The following SHISA6 variants were observed in gnomAD, a reference collection of about 807,000 sequenced individuals.
SHISA6 encodes the protein protein shisa-6.
SHISA6 carries 22 observed loss-of-function variants against 47.9 expected under a neutral mutation model. That is an observed-to-expected ratio of 0.46 (90% CI 0.33 to 0.66). The LOEUF (loss-of-function observed/expected upper bound fraction) is 0.66. Ranked by LOEUF, SHISA6 falls within the 30% of genes least tolerant of loss-of-function variation. SHISA6 has a pLI of 0.02. For synonymous variants in SHISA6, 388 were observed against 337.8 expected (o/e 1.15, Z -1.63); for missense variants, 680 against 764.6 (o/e 0.89, Z 1.30).
At chr17:11,521,431 GC>G (rs148174750) in intron 3 of SHISA6, among the ~76,000 whole-genome samples, 8,389 of 152,184 alleles carry the variant, frequency 0.055, 267 homozygotes, top group Middle Eastern at 0.099. Context: ...TCTTAGGGTT[GC>G]TGGCTATAAA....
At chr17:11,322,939 A>G (rs1017582436) in intron 2 of SHISA6, among the ~76,000 whole-genome samples, 2 of 152,168 alleles carry the variant, frequency 1.3e-5, no homozygotes, top group African/African-American at 4.8e-5. Flanking sequence ...AGGGTTCCCA[A>G]AGGTTTGAAG....
intron 1 of SHISA6, 129 bp from the exon 2 acceptor site, chr17:11,263,237 A>T: frequency 1.0e-6 from 1 of 957,350 alleles, no homozygotes; most frequent in Non-Finnish European, 1.6e-6. Flanking sequence ...GACTATTGAG[A>T]GCTGAATGCT....
At chr17:11,270,090 C>T (rs1282387937) in intron 2 of SHISA6, among the ~76,000 whole-genome samples, 1 of 152,150 alleles carries the variant, frequency 6.6e-6, no homozygotes, top group Non-Finnish European at 1.5e-5. Flanking sequence ...ATTCTCCTGC[C>T]TCAGTCTCCT....
chr17:11,276,607 C>T (rs1472680020), intron 2 of SHISA6, among the ~76,000 whole-genome samples: 2 of 152,010 alleles, frequency 1.3e-5, no homozygotes, highest in East Asian at 3.9e-4. Context: ...TCACCACCAC[C>T]ACCACCATCA....
At chr17:11,556,239 T>G (rs1597585366) in intron 5 of SHISA6, among the ~76,000 whole-genome samples, 1 of 152,134 alleles carries the variant, frequency 6.6e-6, no homozygotes, top group East Asian at 1.9e-4. Flanking sequence ...CTGTATACCC[T>G]ATACTGGATA....
intron 2 of SHISA6, among the ~76,000 whole-genome samples, chr17:11,337,709 G>T (rs1051157361): frequency 2.0e-5 from 3 of 152,124 alleles, no homozygotes; most frequent in Non-Finnish European, 4.4e-5. Context: ...TCCTTCTCAT[G>T]ACCTGGCTCT....
chr17:11,302,939 A>T (rs1206562977), intron 2 of SHISA6, among the ~76,000 whole-genome samples: 1 of 152,150 alleles, frequency 6.6e-6, no homozygotes, highest in African/African-American at 2.4e-5. Flanking sequence ...CTGGAGTTTC[A>T]TTGAAGGCTG....
intron 3 of SHISA6, among the ~76,000 whole-genome samples, chr17:11,388,798 A>ATATATATATATATATAT (rs1913281019): frequency 2.9e-5 from 1 of 35,038 alleles, no homozygotes; most frequent in African/African-American, 1.4e-4. Context: ...GTTTATATAT[A>ATATATATATATATATAT]TATATATATA....
chr17:11,445,529 G>A (rs1597517545), intron 3 of SHISA6, among the ~76,000 whole-genome samples: 1 of 152,136 alleles, frequency 6.6e-6, no homozygotes, highest in South Asian at 2.1e-4. Flanking sequence ...CTAATTAAAC[G>A]ATAGCTTTTC....
At chr17:11,294,357 GAGGCTCTAGACATGTCCCTA>G (rs908420051) in intron 2 of SHISA6, among the ~76,000 whole-genome samples, 1 of 152,114 alleles carries the variant, frequency 6.6e-6, no homozygotes, top group Admixed American at 6.5e-5. Context: ...AGTTAAACCA[GAGGCTCTAGACATGTCCCTA>G]AGGCTCTGAG....
intron 3 of SHISA6, among the ~76,000 whole-genome samples, chr17:11,416,596 T>G (rs1402813854): frequency 1.3e-5 from 2 of 152,222 alleles, no homozygotes; most frequent in African/African-American, 4.8e-5. Flanking sequence ...TACTTGGATT[T>G]TAAAGATTTA....
chr17:11,540,065 A>G (rs77365105), intron 3 of SHISA6, among the ~76,000 whole-genome samples: 9,263 of 152,180 alleles, frequency 0.061, 369 homozygotes, highest in Middle Eastern at 0.092. Context: ...ATCAACACAT[A>G]TCTTCCCACA....
chr17:11,423,330 G>T lies in SHISA6; in HGVS notation c.895+43821G>T, dbSNP rs1336241525. On this transcript the variant is annotated intron_variant, in intron 3 of 5. Coordinates refer to ENST00000441885, the MANE Select transcript of SHISA6 (RefSeq NM_207386.4). ...TATATATGCCTGTAACATATATATA[G>T]ATAGATAGATAGATAGATAGATAGA... 6.4e-3 allele frequency among the ~76,000 whole-genome samples: 63 copies of T among 9,906 alleles called. 1 individual carries two copies. The highest frequency in any genetic ancestry group is 0.03 in the African/African-American group (42 of 1,398). 6.5% of individuals were successfully genotyped at this position (9,906 alleles called of 152,430 possible). A position where few individuals can be genotyped will look rare whatever the true frequency, so the allele number is the denominator to read the frequency against.
intron 3 of SHISA6, among the ~76,000 whole-genome samples, chr17:11,399,235 C>A (rs924394280): frequency 3.3e-5 from 5 of 152,132 alleles, no homozygotes; most frequent in Admixed American, 1.3e-4. Context: ...ATGAAATCTG[C>A]CTTGTCCGGC....
intron 3 of SHISA6, among the ~76,000 whole-genome samples, chr17:11,439,287 A>G (rs1484146934): frequency 1.3e-5 from 2 of 152,214 alleles, no homozygotes; most frequent in African/African-American, 4.8e-5. Flanking sequence ...TGGGTGGGTC[A>G]TCAGTAGTGT....
chr17:11,437,864 C>G (rs11656354), intron 3 of SHISA6, among the ~76,000 whole-genome samples: 13,865 of 152,140 alleles, frequency 0.091, 706 homozygotes, highest in Non-Finnish European at 0.12. Context: ...GGGAGATTCA[C>G]CAGAGTCTCT....
At chr17:11,390,923 G>C (rs117842822) in intron 3 of SHISA6, among the ~76,000 whole-genome samples, 1 of 152,180 alleles carries the variant, frequency 6.6e-6, no homozygotes, top group Non-Finnish European at 1.5e-5. Context: ...AACTCCTGCC[G>C]AGTAAATGGG....
At chr17:11,249,093 G>C (rs545805687) in intron 1 of SHISA6, among the ~76,000 whole-genome samples, 3 of 148,430 alleles carry the variant, frequency 2.0e-5, no homozygotes, top group Admixed American at 6.8e-5. Context: ...AGCCGAGATC[G>C]CGCCACTGCA....
intron 3 of SHISA6, among the ~76,000 whole-genome samples, chr17:11,415,361 A>C (rs188256956): frequency 6.6e-6 from 1 of 152,320 alleles, no homozygotes; most frequent in Non-Finnish European, 1.5e-5. Context: ...GCTTCTGACC[A>C]TTAGAACACA....
Sources: gnomAD v4.1 joint callset for allele counts (sites outside exome capture counted in the v4.1 genomes callset) on GRCh38, gnomAD v4.1.1 for gene constraint, MANE v1.5 for transcripts, NCBI Gene and HGNC (gene_info 2026-07-23, HGNC 2026-07-21) for gene names.